TLL1: variants seen among roughly 807,000 people sequenced by gnomAD.
The protein encoded by TLL1 is tolloid-like protein 1.
Under a neutral mutation model 128.2 loss-of-function variants are expected in TLL1, and 49 were observed. That is an observed-to-expected ratio of 0.38 (90% confidence interval 0.30 to 0.48). The LOEUF is 0.48. Among genes scored for constraint, TLL1 ranks in the 20% least tolerant of loss-of-function variants. The pLI is 0.96. For synonymous variants in TLL1, 454 were observed against 418.8 expected, an observed-to-expected ratio of 1.08 and a Z score of -1.03; for missense variants, 1,123 against 1,242.0, an observed-to-expected ratio of 0.90 and a Z score of 1.44.
intron 1 of TLL1, among the ~76,000 whole-genome samples, chr4:165,984,913 TA>T (rs1285744200): frequency 6.6e-6 from 1 of 152,020 alleles, no homozygotes. Flanking sequence ...AAATATTTAG[TA>T]TTTTGGTTCT....
Position 165,972,811 on chromosome 4 carries a change from C to T in TLL1, c.170-16570C>T, listed in dbSNP as rs747130714. Reference sequence around the variant, plus strand: ...ATTCCATAATACCACCTTCTACCATCAGTCTTGGCCTTCAGAGGAACATCA... The same window carrying T: ...ATTCCATAATACCACCTTCTACCATTAGTCTTGGCCTTCAGAGGAACATCA... On this transcript the variant is annotated intron_variant, in intron 1 of 20. Transcript: ENST00000061240. 1.0e-3 allele frequency among the ~76,000 whole-genome samples: 152 copies of T among 152,150 alleles called. 2 individuals are homozygous for T. Among genetic ancestry groups the T allele is most frequent in the African/African-American group, 6.3e-4 (26 of 41,422 alleles).
chr4:165,897,835 A>T (rs769333939), intron 1 of TLL1, among the ~76,000 whole-genome samples: 3 of 151,976 alleles, frequency 2.0e-5, no homozygotes, highest in Non-Finnish European at 4.4e-5. Context: ...GGCCATTTTC[A>T]TGATGTTGAT....
At chr4:165,936,069 C>T (rs1162150499) in intron 1 of TLL1, among the ~76,000 whole-genome samples, 5 of 150,120 alleles carry the variant, frequency 3.3e-5, no homozygotes, top group African/African-American at 1.2e-4. Flanking sequence ...TTAGAAAGAT[C>T]GTTGATTCCT....
chr4:166,081,559 C>T (rs1405772099), intron 18 of TLL1, among the ~76,000 whole-genome samples: 1 of 152,152 alleles, frequency 6.6e-6, no homozygotes, highest in Non-Finnish European at 1.5e-5. Context: ...TCCTCATCCA[C>T]ACATGACCTT....
At chr4:166,043,485 T>C in intron 12 of TLL1, 66 bp downstream of exon 12, 1 of 1,601,302 alleles carries the variant, frequency 6.2e-7, no homozygotes, top group Non-Finnish European at 8.6e-7. Flanking sequence ...TTTAAGAGAA[T>C]CCTCATTAAA....
At chr4:166,048,200 C>T (rs1739546771) in intron 12 of TLL1, among the ~76,000 whole-genome samples, 1 of 147,696 alleles carries the variant, frequency 6.8e-6, no homozygotes, top group South Asian at 2.1e-4. Context: ...CGTGCCACTG[C>T]ACTCTAGCCT....
intron 8 of TLL1, among the ~76,000 whole-genome samples, chr4:166,019,580 A>G (rs968871431): frequency 1.3e-5 from 2 of 152,102 alleles, no homozygotes; most frequent in Non-Finnish European, 2.9e-5. Context: ...ATCTTGAAAA[A>G]AATACTGACC....
At chr4:165,968,513 T>A (rs1036433001) in intron 1 of TLL1, among the ~76,000 whole-genome samples, 5 of 152,092 alleles carry the variant, frequency 3.3e-5, no homozygotes, top group African/African-American at 9.7e-5. Flanking sequence ...TAGAGTAAGG[T>A]TATCTGTTTA....
At chr4:165,956,896 C>G (rs897630625) in intron 1 of TLL1, among the ~76,000 whole-genome samples, 6 of 152,014 alleles carry the variant, frequency 3.9e-5, no homozygotes, top group African/African-American at 1.2e-4. Context: ...TACCTGATAC[C>G]ACAAAAACAC....
intron 8 of TLL1, among the ~76,000 whole-genome samples, chr4:166,024,813 GA>G (rs944531459): frequency 7.4e-5 from 11 of 149,572 alleles, no homozygotes; most frequent in East Asian, 3.9e-4. Flanking sequence ...TTCTTATTTT[GA>G]AAAAAAAGTT....
intron 6 of TLL1, among the ~76,000 whole-genome samples, chr4:166,006,569 A>G (rs1737438288): frequency 1.3e-5 from 2 of 151,746 alleles, no homozygotes; most frequent in Non-Finnish European, 3.0e-5. Context: ...AAATCTGATC[A>G]TAGATTTGTT....
At chr4:165,879,185 A>C (rs1730864714) in intron 1 of TLL1, among the ~76,000 whole-genome samples, 1 of 151,846 alleles carries the variant, frequency 6.6e-6, no homozygotes, top group African/African-American at 2.4e-5. Flanking sequence ...GAACCAAGTG[A>C]TTCTCCTGCC....
intron 5 of TLL1, among the ~76,000 whole-genome samples, chr4:165,997,537 A>T (rs1320098065): frequency 6.6e-6 from 1 of 152,160 alleles, no homozygotes; most frequent in Non-Finnish European, 1.5e-5. Context: ...GCGATTTTTT[A>T]AAATAAGAGC....
At chr4:165,897,712 G>A (rs1017090819) in intron 1 of TLL1, among the ~76,000 whole-genome samples, 3 of 129,282 alleles carry the variant, frequency 2.3e-5, no homozygotes, top group African/African-American at 9.7e-5. Flanking sequence ...GGCTATATGG[G>A]CCCTTTTTTG....
rs1741361718 is a variant in TLL1 at position 166,082,994 on chromosome 4, C to T, written c.2442+4964C>T. On this transcript the variant is annotated intron_variant, in intron 18 of 20. Coordinates refer to ENST00000061240, the MANE Select transcript of TLL1 (RefSeq NM_012464.5). ...GCCCTGCTAGGTGGAAGAATTTCAA[C>T]CAAAACTGTAATTTAGAAAACAGTT... is the stretch of plus-strand genomic sequence containing the variant. Among the ~76,000 whole-genome samples the T allele has an allele frequency of 2.6e-5, 4 of 152,106 alleles. No individual in the cohort carries two copies. The South Asian group carries it at 8.3e-4, about 32-fold the overall frequency.
intron 12 of TLL1, among the ~76,000 whole-genome samples, chr4:166,051,323 C>T (rs148567168): frequency 8.9e-5 from 12 of 135,078 alleles, no homozygotes; most frequent in Non-Finnish European, 1.9e-4. Flanking sequence ...TCCTTCCTTC[C>T]TTCTTTCCTT....
intron 16 of TLL1, 148 bp from the exon 17 acceptor site, chr4:166,074,730 A>G (rs1467420433): frequency 1.1e-6 from 1 of 931,686 alleles, no homozygotes; most frequent in Admixed American, 2.0e-5. Context: ...CTAAGAGATC[A>G]TACATTTTTG....
intron 9 of TLL1, among the ~76,000 whole-genome samples, chr4:166,032,418 C>A (rs555736422): frequency 1.3e-5 from 2 of 152,058 alleles, no homozygotes; most frequent in East Asian, 3.9e-4. Context: ...GAGTGGGTTG[C>A]ACTATAAGAT....
intron 12 of TLL1, among the ~76,000 whole-genome samples, chr4:166,044,770 C>T (rs181613940): frequency 1.8e-4 from 28 of 151,902 alleles, no homozygotes; most frequent in African/African-American, 6.1e-4. Context: ...CACCCAATGT[C>T]TGTGTTTGCT....
Sources: allele counts gnomAD v4.1 joint callset (sites outside exome capture counted in the v4.1 genomes callset), GRCh38; gene constraint gnomAD v4.1.1; transcripts MANE v1.5; gene names NCBI Gene and HGNC (gene_info 2026-07-23, HGNC 2026-07-21).